Variants in DNAH7 observed in about 807,000 individuals in gnomAD.
The protein encoded by DNAH7 is axonemal beta dynein heavy chain 7.
Under a neutral mutation model 444.6 loss-of-function variants are expected in DNAH7, and 397 were observed. The observed-to-expected ratio is 0.89, with a 90% CI of 0.82 to 0.97. DNAH7 has a LOEUF of 0.97. Ranked by LOEUF, DNAH7 falls within the 50% of genes least tolerant of loss-of-function variation. The pLI is 0.00. For synonymous variants in DNAH7, 1,636 were observed against 1,624.4 expected (o/e 1.01, Z -0.17); for missense variants, 4,902 against 4,800.8 (o/e 1.02, Z -0.62).
chr2:195,896,597 A>T (rs1702332919), intron 29 of DNAH7, among the ~76,000 whole-genome samples: 1 of 152,188 alleles, frequency 6.6e-6, no homozygotes, highest in East Asian at 1.9e-4. Flanking sequence ...CCACTTGAGA[A>T]ATACTGCTTA....
chr2:195,934,013 A>T (rs1688879165), intron 21 of DNAH7, among the ~76,000 whole-genome samples: 1 of 150,014 alleles, frequency 6.7e-6, no homozygotes, highest in Non-Finnish European at 1.5e-5. Context: ...AGCTCACACT[A>T]CAGTAAAAAA....
chr2:196,032,236 C>T (rs1002606208), intron 5 of DNAH7, among the ~76,000 whole-genome samples: 5 of 152,244 alleles, frequency 3.3e-5, no homozygotes, highest in Admixed American at 6.5e-5. Flanking sequence ...AGAAACCATC[C>T]CCATGATTCA....
intron 57 of DNAH7, among the ~76,000 whole-genome samples, chr2:195,791,239 G>A (rs184690743): frequency 2.7e-4 from 41 of 152,154 alleles, no homozygotes; most frequent in Middle Eastern, 3.4e-3. Flanking sequence ...AGGTGAAGGC[G>A]CGTGGATCAC....
At position 195,959,411 on chromosome 2, in the gene DNAH7, T is replaced by C. The variant is rs551641177; in HGVS notation, c.2891+849A>G. ...TGATATCACGCATAGTCCCTTAAAA[T>C]GGAATCTAGATGTACCACTTTCAGA... On this transcript the variant is annotated intron_variant, in intron 18 of 64. Coordinates refer to ENST00000312428, the MANE Select transcript of DNAH7 (RefSeq NM_018897.3). Among the ~76,000 whole-genome samples the C allele has an allele frequency of 3.3e-5, 5 of 152,284 alleles. No homozygotes were observed. In the South Asian group the frequency reaches 8.3e-4, roughly 25 times the overall value.
chr2:195,830,449 AT>A (rs924747266), intron 48 of DNAH7, among the ~76,000 whole-genome samples: 103 of 152,342 alleles, frequency 6.8e-4, no homozygotes, highest in African/African-American at 2.5e-3. Context: ...ATAGAAAAAA[AT>A]CTTCTTCTAC....
intron 5 of DNAH7, among the ~76,000 whole-genome samples, chr2:196,045,220 AAGG>A (rs1222398885): frequency 4.7e-5 from 7 of 147,558 alleles, no homozygotes; most frequent in African/African-American, 1.3e-4. Flanking sequence ...GGAGGAGGAG[AAGG>A]AGAAGAAGAA....
At chr2:195,958,195 T>G (rs1690826417) in intron 18 of DNAH7, among the ~76,000 whole-genome samples, 1 of 152,054 alleles carries the variant, frequency 6.6e-6, no homozygotes, top group Admixed American at 6.6e-5. Context: ...GCTTCTGCCA[T>G]CCCTGAGATA....
chr2:195,960,154 T>A, intron 18 of DNAH7, 106 bp downstream of exon 18: 1 of 894,366 alleles, frequency 1.1e-6, no homozygotes, highest in Non-Finnish European at 1.6e-6. Context: ...AATAAAATAT[T>A]AAGTATGAAA....
chr2:195,994,748 T>C, intron 12 of DNAH7: 1 of 471,338 alleles, frequency 2.1e-6, no homozygotes, highest in Non-Finnish European at 4.1e-6. Flanking sequence ...TCTTGATACG[T>C]AACATAAGCT....
intron 61 of DNAH7, 23 bp downstream of exon 61, chr2:195,771,637 T>C: frequency 6.4e-7 from 1 of 1,550,806 alleles, no homozygotes; most frequent in Non-Finnish European, 8.9e-7. Flanking sequence ...AATGGGGGTT[T>C]TTTTTGGTGT....
chr2:195,972,078 C>T (rs1464801972), intron 16 of DNAH7, among the ~76,000 whole-genome samples, 164 bp downstream of exon 16: 1 of 151,774 alleles, frequency 6.6e-6, no homozygotes, highest in East Asian at 1.9e-4. Context: ...ATAAAAGATC[C>T]AATATATTAC....
intron 12 of DNAH7, among the ~76,000 whole-genome samples, chr2:195,993,444 T>C (rs193028882): frequency 6.6e-5 from 10 of 152,160 alleles, no homozygotes; most frequent in African/African-American, 1.9e-4. Context: ...AAGTCTAAAA[T>C]AATCCACAAA....
intron 61 of DNAH7, among the ~76,000 whole-genome samples, chr2:195,766,807 T>C (rs545937048): frequency 2.2e-4 from 34 of 152,312 alleles, no homozygotes; most frequent in African/African-American, 7.7e-4. Context: ...CCCACAAATA[T>C]ATACATCTAC....
intron 19 of DNAH7, among the ~76,000 whole-genome samples, chr2:195,948,551 G>A (rs749121189): frequency 2.0e-5 from 3 of 152,000 alleles, no homozygotes; most frequent in Non-Finnish European, 2.9e-5. Context: ...AATAGGGAAC[G>A]CCTTCCTCAT....
chr2:195,960,727 A>G lies in DNAH7; in HGVS notation c.2424T>C (p.Tyr808=). 1 of 1,614,188 alleles carries G rather than the reference A, an allele frequency of 6.2e-7. No individual in the cohort carries two copies. The highest frequency in any genetic ancestry group is 1.1e-5 in the South Asian group (1 of 91,086). ...ADIGNYWRGL[Y]KLEKTFHDSP... is the part of the protein sequence containing the mutation. ...AATCATGAAAGGTTTTCTCCAGTTT[A>G]TATAATCCTCTCCAGTAATTTCCAA... is the stretch of plus-strand genomic sequence containing the variant. The change falls in exon 18 of 65, where the codon TAT becomes TAC. Residue 808 remains tyrosine, a synonymous_variant. Coordinates refer to ENST00000312428, the MANE Select transcript of DNAH7 (RefSeq NM_018897.3).
rs1465277964 is a variant in DNAH7 at position 195,798,067 on chromosome 2, GC to G, written c.10353+1228del. On this transcript the variant is annotated intron_variant, in intron 55 of 64. Coordinates refer to ENST00000312428, the MANE Select transcript of DNAH7 (RefSeq NM_018897.3). ...TTCTTTTCAGCTTTAGGTTTTAGGAGCTGCTGCAAGGCAGCCAGTCCTTTTT... is the reference window on the plus strand; with the variant it reads ...TTCTTTTCAGCTTTAGGTTTTAGGAGTGCTGCAAGGCAGCCAGTCCTTTTT... Among the ~76,000 whole-genome samples, 4 of 152,322 alleles carry G rather than the reference GC, an allele frequency of 2.6e-5. No individual in the cohort carries two copies. The East Asian group carries it at 7.7e-4, about 29-fold the overall frequency.
At chr2:195,832,108 C>CTACT (rs988537292) in intron 48 of DNAH7, among the ~76,000 whole-genome samples, 4 of 152,154 alleles carry the variant, frequency 2.6e-5, no homozygotes, top group Non-Finnish European at 4.4e-5. Context: ...GCCTTGCAGC[C>CTACT]TACTATGTTC....
chr2:195,946,015 G>C (rs1689778166), intron 19 of DNAH7, among the ~76,000 whole-genome samples: 1 of 152,174 alleles, frequency 6.6e-6, no homozygotes, highest in African/African-American at 2.4e-5. Context: ...AGAGGAAACT[G>C]ACATCTTTCC....
At position 195,864,397 on chromosome 2, in the gene DNAH7, C is replaced by T. The variant is rs763810957; in HGVS notation, c.7258G>A (p.Glu2420Lys). The change falls in exon 41 of 65, where the codon GAG becomes AAG. Residue 2420 changes from glutamate (E) to lysine (K), a missense_variant. Glu to Lys is a moderately conservative substitution (Grantham distance 56). Transcript: ENST00000312428. ...TCTAATGCAAAGAGATTTGGAATCT[C>T]CCCAGCATTTAGCAGATTACTGACA... Reference protein sequence around the residue: ...EDVSNLLNAGEIPNLFALDEK... With the variant: ...EDVSNLLNAGKIPNLFALDEK... The T allele has an allele frequency of 6.8e-6, 11 of 1,614,028 alleles. No individual in the cohort carries two copies. The African/African-American group carries it at 9.3e-5, about 14-fold the overall frequency.
Sources: allele counts gnomAD v4.1 joint callset (sites outside exome capture counted in the v4.1 genomes callset), GRCh38; gene constraint gnomAD v4.1.1; transcripts MANE v1.5; gene names NCBI Gene and HGNC (gene_info 2026-07-23, HGNC 2026-07-21).